The following ADAMTS17 variants were observed in gnomAD, a reference collection of about 807,000 sequenced individuals.
The protein encoded by ADAMTS17 is ADAM metallopeptidase with thrombospondin type 1 motif 17.
In ADAMTS17, 113 loss-of-function variants were observed where a neutral mutation model predicts 141.5. That is an observed-to-expected ratio of 0.80 (90% CI 0.69 to 0.93). The LOEUF (loss-of-function observed/expected upper bound fraction) is 0.93, where lower values mean the gene tolerates loss of function less well. ADAMTS17 is among the 40% of genes least tolerant of loss of function. The pLI is 0.00. For missense variants in ADAMTS17, 1,659 were observed against 1,517.9 expected (o/e 1.09, Z -1.54); for synonymous variants, 768 against 630.6 (o/e 1.22, Z -3.27).
At chr15:99,980,515 G>A (rs9672896) in intron 20 of ADAMTS17, 2,995 of 152,358 alleles carry the variant, frequency 0.02, 112 homozygotes, top group African/African-American at 0.068. Context: ...TGGGGCAGGG[G>A]GCTGTTGGAT....
At chr15:100,245,628 G>T (rs1173988524) in intron 7 of ADAMTS17, among the ~76,000 whole-genome samples, 4 of 152,220 alleles carry the variant, frequency 2.6e-5, no homozygotes, top group African/African-American at 9.6e-5. Flanking sequence ...AAGAAAAGTT[G>T]AACTTGGTCC....
chr15:100,248,801 A>AT (rs1837783918), intron 7 of ADAMTS17, among the ~76,000 whole-genome samples: 1 of 144,110 alleles, frequency 6.9e-6, no homozygotes, highest in Non-Finnish European at 1.5e-5. Flanking sequence ...TTCTGGTGTT[A>AT]ATTTTTTTTT....
intron 20 of ADAMTS17, among the ~76,000 whole-genome samples, chr15:99,984,439 G>A (rs556441263): frequency 6.6e-5 from 10 of 152,326 alleles, no homozygotes; most frequent in Admixed American, 3.3e-4. Context: ...AAGCACACTC[G>A]AGGGACTGTT....
Position 100,251,278 on chromosome 15 carries a change from G to T in ADAMTS17, c.1075+2858C>A, listed in dbSNP as rs2043145550. ...TTAAGGAAGTGAGACGCATGCACCT[G>T]GGAGGGGATATGAGGACATAAGATG... On this transcript the variant is annotated intron_variant, in intron 7 of 21. Transcript: ENST00000268070. 3.9e-5 allele frequency among the ~76,000 whole-genome samples: 6 copies of T among 152,312 alleles called. No homozygotes were observed. The South Asian group carries it at 1.2e-3, about 32-fold the overall frequency.
chr15:100,339,112 C>G lies in ADAMTS17; in HGVS notation c.450+1927G>C, dbSNP rs868397504. 7.1e-6 allele frequency: 7 copies of G among 985,482 alleles called. No individual in the cohort carries two copies. In the Middle Eastern group the frequency reaches 2.1e-3, roughly 294 times the overall value. 61.0% of individuals were successfully genotyped at this position (985,482 alleles called of 1,614,324 possible). On this transcript the variant is annotated intron_variant, in intron 2 of 21. Coordinates refer to ENST00000268070, the MANE Select transcript of ADAMTS17 (RefSeq NM_139057.4). ...AAAAGCTGAAGTCTTAGAGGTACAA[C>G]CGCCACTGGCACACACTGAACTCAG...
intron 14 of ADAMTS17, among the ~76,000 whole-genome samples, chr15:100,099,632 C>T (rs1263204522): frequency 6.6e-6 from 1 of 152,192 alleles, no homozygotes; most frequent in East Asian, 1.9e-4. Context: ...GCTTCAAGTT[C>T]CTGGCCAGCA....
intron 7 of ADAMTS17, among the ~76,000 whole-genome samples, chr15:100,238,700 G>T (rs544522099): frequency 6.6e-6 from 1 of 152,190 alleles, no homozygotes; most frequent in East Asian, 1.9e-4. Flanking sequence ...CTCGCGAGTG[G>T]CATAATTTCA....
chr15:100,260,129 G>A (rs2043465311), intron 6 of ADAMTS17, among the ~76,000 whole-genome samples: 1 of 152,134 alleles, frequency 6.6e-6, no homozygotes, highest in Non-Finnish European at 1.5e-5. Flanking sequence ...ACAGGCATGA[G>A]CCATCGCTCC....
chr15:100,065,929 T>C (rs1004265718), intron 15 of ADAMTS17, among the ~76,000 whole-genome samples: 5 of 152,198 alleles, frequency 3.3e-5, no homozygotes, highest in South Asian at 4.1e-4. Context: ...TCTGTATCCA[T>C]GAATTCTCAT....
chr15:100,226,886 T>C (rs1191104554), intron 7 of ADAMTS17, among the ~76,000 whole-genome samples: 3 of 152,230 alleles, frequency 2.0e-5, no homozygotes, highest in South Asian at 2.1e-4. Context: ...TTGCTAATAA[T>C]CAACTGTTCT....
chr15:100,027,136 T>C (rs549581157), intron 18 of ADAMTS17, among the ~76,000 whole-genome samples: 7 of 152,338 alleles, frequency 4.6e-5, no homozygotes, highest in East Asian at 1.9e-4. Context: ...ACTTTGTCTC[T>C]CTTTCCTAAT....
At chr15:100,199,512 A>AT (rs2141636273) in intron 7 of ADAMTS17, 89 bp from the exon 8 acceptor site, 2 of 1,073,644 alleles carry the variant, frequency 1.9e-6, no homozygotes, top group East Asian at 4.7e-5. Flanking sequence ...GTCATGCACA[A>AT]TCAAGGCAGG....
rs1290293446 is a variant in ADAMTS17 at position 100,114,041 on chromosome 15, G to A, written c.1888+2806C>T. On this transcript the variant is annotated intron_variant, in intron 13 of 21. Transcript: ENST00000268070. ...CCATCTCAATGGGTTTCTGTCTAAAGGCTTTTCCATTTAGAAATATTTTCT... is the reference window on the plus strand; with the variant it reads ...CCATCTCAATGGGTTTCTGTCTAAAAGCTTTTCCATTTAGAAATATTTTCT... 2.0e-5 allele frequency among the ~76,000 whole-genome samples: 3 copies of A among 152,184 alleles called. No individual in the cohort carries two copies. In the East Asian group the frequency reaches 5.8e-4, roughly 29 times the overall value.
intron 18 of ADAMTS17, among the ~76,000 whole-genome samples, chr15:100,015,214 T>C (rs987094315): frequency 6.6e-6 from 1 of 152,174 alleles, no homozygotes; most frequent in Admixed American, 6.5e-5. Flanking sequence ...TTTGCATGAA[T>C]TGCCTTTTTC....
Position 100,316,022 on chromosome 15 carries a change from G to A in ADAMTS17, c.616+14867C>T, listed in dbSNP as rs1246511150. Reference sequence around the variant, plus strand: ...GAATGACTCTATTTTTACAAAGTAGGAAGGATGGAAGGAATATGGCATAGA... The same window carrying A: ...GAATGACTCTATTTTTACAAAGTAGAAAGGATGGAAGGAATATGGCATAGA... On this transcript the variant is annotated intron_variant, in intron 3 of 21. Coordinates refer to ENST00000268070, the MANE Select transcript of ADAMTS17 (RefSeq NM_139057.4). Among the ~76,000 whole-genome samples, 3 of 152,380 alleles carry A rather than the reference G, an allele frequency of 2.0e-5. No individual in the cohort carries two copies. The South Asian group carries it at 6.2e-4, about 32-fold the overall frequency.
chr15:100,322,483 A>G (rs2045761021), intron 3 of ADAMTS17, among the ~76,000 whole-genome samples: 2 of 152,128 alleles, frequency 1.3e-5, no homozygotes, highest in Admixed American at 6.5e-5. Context: ...CTCCAGAGTA[A>G]TAGAATTCAG....
chr15:100,075,509 T>C (rs1465086906), intron 15 of ADAMTS17, among the ~76,000 whole-genome samples: 3 of 152,228 alleles, frequency 2.0e-5, no homozygotes, highest in African/African-American at 7.2e-5. Context: ...AGTGGCTCCA[T>C]AAAATGTGAC....
At chr15:100,002,685 T>G (rs1306552141) in intron 18 of ADAMTS17, among the ~76,000 whole-genome samples, 1 of 152,138 alleles carries the variant, frequency 6.6e-6, no homozygotes, top group Non-Finnish European at 1.5e-5. Flanking sequence ...AGTGATTTCT[T>G]GATTTGAGCA....
chr15:100,175,477 G>C (rs1296158105), intron 8 of ADAMTS17, among the ~76,000 whole-genome samples: 2 of 152,108 alleles, frequency 1.3e-5, no homozygotes, highest in Admixed American at 6.5e-5. Context: ...AGGCCTTCAA[G>C]AGAATCCTAA....
Sources: gnomAD v4.1 joint callset for allele counts (sites outside exome capture counted in the v4.1 genomes callset) on GRCh38, gnomAD v4.1.1 for gene constraint, MANE v1.5 for transcripts, NCBI Gene and HGNC (gene_info 2026-07-23, HGNC 2026-07-21) for gene names.